Variants in SORT1 observed in about 807,000 individuals in gnomAD.
SORT1 encodes the protein sortilin 1, also known as sortilin.
Under a neutral mutation model 101.7 loss-of-function variants are expected in SORT1, and 39 were observed. The ratio of observed to expected loss-of-function variants is 0.38; its 90% CI spans 0.30 to 0.50. SORT1 has a LOEUF of 0.50. SORT1 is among the 20% of genes least tolerant of loss of function. SORT1 has a pLI of 0.90. For synonymous variants in SORT1, 396 were observed against 393.7 expected (o/e 1.01, Z -0.07); for missense variants, 878 against 1,040.4 (o/e 0.84, Z 2.15).
intron 6 of SORT1, among the ~76,000 whole-genome samples, 191 bp downstream of exon 6, chr1:109,350,738 G>A (rs1649907329): frequency 6.6e-6 from 1 of 152,204 alleles, no homozygotes; most frequent in Non-Finnish European, 1.5e-5. Flanking sequence ...GTGAGACTAA[G>A]TCTTCTTTTC....
chr1:109,326,464 T>TATATATATAC (rs1403742313), intron 13 of SORT1, among the ~76,000 whole-genome samples: 3 of 64,120 alleles, frequency 4.7e-5, no homozygotes, highest in African/African-American at 1.8e-4. Flanking sequence ...TATATATATA[T>TATATATATAC]ACATACACAC....
Position 109,393,200 on chromosome 1 carries a change from C to A in SORT1, c.306+4387G>T, listed in dbSNP as rs1029370518. On this transcript the variant is annotated intron_variant, in intron 1 of 19. Coordinates refer to ENST00000256637, the MANE Select transcript of SORT1 (RefSeq NM_002959.7). ...TTCTTCCCAGAGCTGACACCCCATA[C>A]AACACGGCCTCTCTACAGGGCCTGT... The A allele has an allele frequency of 1.5e-5, 15 of 985,344 alleles. No individual in the cohort carries two copies. In the African/African-American group the frequency reaches 2.6e-4, roughly 17 times the overall value. The allele number at this position is 985,344 out of a possible 1,614,324, so 61.0% of individuals were successfully genotyped here.
chr1:109,343,348 CAACTCCAGTGGAT>C lies in SORT1; in HGVS notation c.964-1203_964-1191del, dbSNP rs141817255. Among the ~76,000 whole-genome samples, 468 of 152,308 alleles carry C rather than the reference CAACTCCAGTGGAT, an allele frequency of 3.1e-3. 16 individuals are homozygous for C. The East Asian group carries it at 0.078, about 25-fold the overall frequency. On this transcript the variant is annotated intron_variant, in intron 8 of 19. Transcript: ENST00000256637. ...AGGTCACCAACAACCTCCACGTCGC[CAACTCCAGTGGAT>C]AATTCTCAGAATGCACCTAACTCAA...
intron 3 of SORT1, among the ~76,000 whole-genome samples, 185 bp from the exon 4 acceptor site, chr1:109,355,654 C>CG (rs1032712700): frequency 7.1e-6 from 1 of 140,250 alleles, no homozygotes; most frequent in Non-Finnish European, 1.6e-5. Context: ...CGCCCCCCCC[C>CG]CCACAAACCC....
Position 109,374,932 on chromosome 1 carries a change from TGA to T in SORT1, c.307-5345_307-5344del, listed in dbSNP as rs369597687. On this transcript the variant is annotated intron_variant, in intron 1 of 19. Coordinates refer to ENST00000256637, the MANE Select transcript of SORT1 (RefSeq NM_002959.7). ...CAAGATTGCACGACTGAACTCCACC[TGA>T]GTGACAGAGTGAGACTCCGTCTCAA... is the stretch of plus-strand genomic sequence containing the variant. Among the ~76,000 whole-genome samples the T allele has an allele frequency of 2.9e-4, 44 of 152,278 alleles. No individual in the cohort carries two copies. The East Asian group carries it at 6.6e-3, about 23-fold the overall frequency.
rs185393552 is a variant in SORT1 at position 109,372,055 on chromosome 1, G to A, written c.307-2466C>T. On this transcript the variant is annotated intron_variant, in intron 1 of 19. Transcript: ENST00000256637. ...AGGAGATAAATCCAGGAGAGCTAGG[G>A]ACCCAAGAGTACAGATTCAATCCTG... Among the ~76,000 whole-genome samples the A allele has an allele frequency of 1.6e-3, 250 of 152,226 alleles. 2 individuals are homozygous for A. The highest frequency in any genetic ancestry group is 5.6e-3 in the African/African-American group (234 of 41,532).
chr1:109,341,906 C>G, intron 9 of SORT1, 108 bp downstream of exon 9: 2 of 1,026,178 alleles, frequency 1.9e-6, no homozygotes, highest in Non-Finnish European at 3.0e-6. Flanking sequence ...ATCAGTAGGG[C>G]ACTAATAAAT....
chr1:109,395,208 CTTTTTTTTTT>C (rs71069681), intron 1 of SORT1, among the ~76,000 whole-genome samples: 21 of 42,602 alleles, frequency 4.9e-4, no homozygotes, highest in South Asian at 1.6e-3. Context: ...AACGCAAAAA[CTTTTTTTTTT>C]TTTTTTTTTT....
chr1:109,357,037 C>G (rs1650371277), intron 3 of SORT1, among the ~76,000 whole-genome samples: 1 of 152,220 alleles, frequency 6.6e-6, no homozygotes, highest in African/African-American at 2.4e-5. Context: ...TACCAATGGA[C>G]TGTTTATATG....
intron 11 of SORT1, among the ~76,000 whole-genome samples, chr1:109,333,974 G>A (rs1328686638): frequency 6.6e-6 from 1 of 152,026 alleles, no homozygotes; most frequent in Non-Finnish European, 1.5e-5. Context: ...GTGAAACCCC[G>A]TCACTACTAA....
chr1:109,315,828 G>A (rs1647196033), intron 17 of SORT1, among the ~76,000 whole-genome samples: 1 of 149,166 alleles, frequency 6.7e-6, no homozygotes, highest in Non-Finnish European at 1.5e-5. Flanking sequence ...TATGATCATG[G>A]CTCACTGCAG....
rs184927710 is a variant in SORT1 at position 109,363,166 on chromosome 1, T to C, written c.440+4242A>G. Reference sequence around the variant, plus strand: ...GATATTAATAATTAGGTATATAACATTGGTGTAGAATAATGCCTACATTTG... The same window carrying C: ...GATATTAATAATTAGGTATATAACACTGGTGTAGAATAATGCCTACATTTG... On this transcript the variant is annotated intron_variant, in intron 3 of 19. Coordinates refer to ENST00000256637, the MANE Select transcript of SORT1 (RefSeq NM_002959.7). 3.2e-3 allele frequency among the ~76,000 whole-genome samples: 493 copies of C among 152,304 alleles called. 1 individual carries two copies. The highest frequency in any genetic ancestry group is 0.011 in the African/African-American group (462 of 41,578).
chr1:109,384,375 C>G (rs1276445973), intron 1 of SORT1, among the ~76,000 whole-genome samples: 1 of 152,092 alleles, frequency 6.6e-6, no homozygotes, highest in Non-Finnish European at 1.5e-5. Context: ...GGAAGCAAAT[C>G]AAATTTGAGG....
chr1:109,320,364 C>T (rs1339786635), intron 15 of SORT1, among the ~76,000 whole-genome samples: 1 of 152,142 alleles, frequency 6.6e-6, no homozygotes, highest in Admixed American at 6.5e-5. Context: ...TTTCCGTATT[C>T]GTCCATGACA....
intron 16 of SORT1, 137 bp downstream of exon 16, chr1:109,317,716 T>G: frequency 1.5e-6 from 1 of 654,600 alleles, no homozygotes; most frequent in South Asian, 1.9e-5. Flanking sequence ...AAGGAGGCCT[T>G]CATATCCTGC....
chr1:109,353,587 C>T (rs1650110220), intron 5 of SORT1, among the ~76,000 whole-genome samples: 1 of 152,116 alleles, frequency 6.6e-6, no homozygotes, highest in African/African-American at 2.4e-5. Flanking sequence ...GCTGGGGAGC[C>T]TGCTAAAAAT....
intron 17 of SORT1, among the ~76,000 whole-genome samples, chr1:109,315,358 C>T (rs1282944828): frequency 6.6e-6 from 1 of 152,086 alleles, no homozygotes; most frequent in Non-Finnish European, 1.5e-5. Flanking sequence ...GGAGGCAGAG[C>T]TGGATTCTAG....
chr1:109,355,227 G>A lies in SORT1; in HGVS notation c.543+140C>T, dbSNP rs1240953829. The A allele has an allele frequency of 3.5e-5, 22 of 620,812 alleles. No individual in the cohort carries two copies. The Admixed American group carries it at 6.4e-4, about 18-fold the overall frequency. 38.5% of individuals were successfully genotyped at this position (620,812 alleles called of 1,614,324 possible). A position where few individuals can be genotyped will look rare whatever the true frequency, so the allele number is the denominator to read the frequency against. On this transcript the variant is annotated intron_variant, in intron 4 of 19. Coordinates refer to ENST00000256637, the MANE Select transcript of SORT1 (RefSeq NM_002959.7). ...CAGAGTGAGACCCTTAAAAAATTGT[G>A]TTTAATTTTAAAATATAAATATAGC...
At chr1:109,314,509 G>T in intron 18 of SORT1, 125 bp from the exon 19 acceptor site, 1 of 1,257,140 alleles carries the variant, frequency 8.0e-7, no homozygotes, top group Non-Finnish European at 1.1e-6. Flanking sequence ...CACAGTCCAT[G>T]GTTGACATAT....
Sources: allele counts gnomAD v4.1 joint callset (sites outside exome capture counted in the v4.1 genomes callset), GRCh38; gene constraint gnomAD v4.1.1; transcripts MANE v1.5; gene names NCBI Gene and HGNC (gene_info 2026-07-23, HGNC 2026-07-21).